The following SLC16A10 variants were observed in gnomAD, a reference collection of about 807,000 sequenced individuals.
SLC16A10 encodes monocarboxylate transporter 10.
In SLC16A10, 27 loss-of-function variants were observed where a neutral mutation model predicts 40.0. The observed-to-expected ratio is 0.67, with a 90% CI of 0.50 to 0.93. The LOEUF (loss-of-function observed/expected upper bound fraction) is 0.93, where lower values mean the gene tolerates loss of function less well. Among genes scored for constraint, SLC16A10 ranks in the 40% least tolerant of loss-of-function variants. The pLI is 0.00. For synonymous variants in SLC16A10, 213 were observed against 249.8 expected (o/e 0.85, Z 1.39); for missense variants, 529 against 658.2 (o/e 0.80, Z 2.15).
At chr6:111,120,667 A>G (rs1210924092) in intron 1 of SLC16A10, among the ~76,000 whole-genome samples, 1 of 152,252 alleles carries the variant, frequency 6.6e-6, no homozygotes, top group Non-Finnish European at 1.5e-5. Context: ...GCATTGGTCC[A>G]GATGACTTTC....
chr6:111,132,592 C>T (rs1165915295), intron 1 of SLC16A10, among the ~76,000 whole-genome samples: 2 of 152,208 alleles, frequency 1.3e-5, no homozygotes, highest in African/African-American at 2.4e-5. Flanking sequence ...CAAAACTATC[C>T]TAAGTCAAAA....
chr6:111,087,657 CGT>C lies in SLC16A10; in HGVS notation c.-95_-94del. On this transcript the variant is annotated 5_prime_UTR_variant, in exon 1 of 6. Transcript: ENST00000368851. ...GGCTCCGCCGCCCTCGCCTCGGCCT[CGT>C]TAGCCCGCCAGGAGCCCCGCAGCTC... The C allele has an allele frequency of 8.3e-6, 6 of 721,166 alleles. No individual in the cohort carries two copies. The highest frequency in any genetic ancestry group is 1.1e-5 in the Non-Finnish European group (6 of 536,468). The allele number at this position is 721,166 out of a possible 1,614,324, so 44.7% of individuals were successfully genotyped here.
chr6:111,193,471 A>C, intron 3 of SLC16A10: 1 of 319,962 alleles, frequency 3.1e-6, no homozygotes. Flanking sequence ...GAACACTTTC[A>C]TCAAAACAAG....
At chr6:111,193,386 C>T (rs1402522268) in intron 3 of SLC16A10, 3 of 896,622 alleles carry the variant, frequency 3.3e-6, no homozygotes, top group East Asian at 2.4e-4. Context: ...CAGCATTCTC[C>T]TACTTGAGAT....
chr6:111,161,760 G>GATA (rs1185070824), intron 1 of SLC16A10, among the ~76,000 whole-genome samples: 1 of 152,176 alleles, frequency 6.6e-6, no homozygotes, highest in Non-Finnish European at 1.5e-5. Context: ...AACATGCCCA[G>GATA]ATAACAGGTG....
At chr6:111,206,094 T>C (rs1773247865) in intron 3 of SLC16A10, among the ~76,000 whole-genome samples, 1 of 152,090 alleles carries the variant, frequency 6.6e-6, no homozygotes, top group South Asian at 2.1e-4. Context: ...TTTTTTTTTT[T>C]TGGAGACGGA....
chr6:111,128,444 TATTG>T (rs1184713305), intron 1 of SLC16A10, among the ~76,000 whole-genome samples: 2 of 152,192 alleles, frequency 1.3e-5, no homozygotes, highest in Non-Finnish European at 2.9e-5. Context: ...AATGATTACT[TATTG>T]ATTATTTAGT....
intron 1 of SLC16A10, among the ~76,000 whole-genome samples, chr6:111,140,601 G>A (rs1771965645): frequency 6.6e-6 from 1 of 152,156 alleles, no homozygotes; most frequent in Non-Finnish European, 1.5e-5. Flanking sequence ...GTCAGTGGAG[G>A]CTAAGGTATG....
intron 5 of SLC16A10, among the ~76,000 whole-genome samples, chr6:111,220,078 C>A (rs893117850): frequency 2.0e-5 from 3 of 152,124 alleles, no homozygotes; most frequent in Non-Finnish European, 2.9e-5. Context: ...CAGAGTGAGA[C>A]CCTGTCTCAA....
At chr6:111,132,435 T>G (rs1045624407) in intron 1 of SLC16A10, among the ~76,000 whole-genome samples, 2 of 152,212 alleles carry the variant, frequency 1.3e-5, no homozygotes, top group African/African-American at 4.8e-5. Context: ...CTGAGACCAC[T>G]GACAACCTAT....
chr6:111,138,316 A>T (rs1468760301), intron 1 of SLC16A10, among the ~76,000 whole-genome samples: 1 of 152,354 alleles, frequency 6.6e-6, no homozygotes, highest in East Asian at 1.9e-4. Flanking sequence ...ATAAAGAACT[A>T]AAACTAGAAT....
At chr6:111,132,606 CA>C (rs1320692702) in intron 1 of SLC16A10, among the ~76,000 whole-genome samples, 2 of 152,194 alleles carry the variant, frequency 1.3e-5, no homozygotes, top group African/African-American at 2.4e-5. Flanking sequence ...GTCAAAAAAG[CA>C]AAAAGGTAAC....
intron 1 of SLC16A10, among the ~76,000 whole-genome samples, chr6:111,133,860 C>T (rs1771829584): frequency 6.6e-6 from 1 of 152,160 alleles, no homozygotes; most frequent in South Asian, 2.1e-4. Context: ...GAATTCGGCC[C>T]AGCCAGAGTG....
intron 4 of SLC16A10, among the ~76,000 whole-genome samples, chr6:111,214,658 C>T (rs1262391100): frequency 7.2e-5 from 11 of 151,922 alleles, no homozygotes; most frequent in Non-Finnish European, 1.6e-4. Context: ...CTGAGAAGTA[C>T]TTAAAGAATA....
Position 111,119,077 on chromosome 6 carries a change from G to T in SLC16A10, c.343+30982G>T, listed in dbSNP as rs530571046. Among the ~76,000 whole-genome samples the T allele has an allele frequency of 1.3e-4, 20 of 152,318 alleles. No individual in the cohort carries two copies. In the South Asian group the frequency reaches 3.7e-3, roughly 28 times the overall value. On this transcript the variant is annotated intron_variant, in intron 1 of 5. Transcript: ENST00000368851. ...AAGCAATGTGCCATACCTTTGAAGG[G>T]CTAAGCTAGCCCAGGAGTTCTGATA...
intron 3 of SLC16A10, among the ~76,000 whole-genome samples, chr6:111,198,354 A>G (rs1332818254): frequency 1.3e-5 from 2 of 152,162 alleles, no homozygotes; most frequent in Admixed American, 6.5e-5. Context: ...TGTTGGGTGC[A>G]TTTGTTCACT....
intron 3 of SLC16A10, among the ~76,000 whole-genome samples, chr6:111,192,108 T>A (rs1234339857): frequency 6.6e-6 from 1 of 152,222 alleles, no homozygotes; most frequent in Admixed American, 6.5e-5. Flanking sequence ...ATGTCCTGAA[T>A]GGTATTGCCT....
chr6:111,112,072 C>T (rs1771397335), intron 1 of SLC16A10, among the ~76,000 whole-genome samples: 1 of 151,892 alleles, frequency 6.6e-6, no homozygotes, highest in Non-Finnish European at 1.5e-5. Context: ...GCTCTGTTGC[C>T]CGGGCTGGAC....
chr6:111,100,952 TTCTCTCCCTC>T (rs1478590085), intron 1 of SLC16A10, among the ~76,000 whole-genome samples: 4,191 of 80,910 alleles, frequency 0.052, 112 homozygotes, highest in Non-Finnish European at 0.061. Flanking sequence ...CTCTCGCTCT[TTCTCTCCCTC>T]TCTCTCTCTC....
Sources: allele counts gnomAD v4.1 joint callset (sites outside exome capture counted in the v4.1 genomes callset), GRCh38; gene constraint gnomAD v4.1.1; transcripts MANE v1.5; gene names NCBI Gene and HGNC (gene_info 2026-07-23, HGNC 2026-07-21).